MOB3A: variants seen among roughly 807,000 people sequenced by gnomAD.
The protein encoded by MOB3A is MOB LAK.
A neutral mutation model predicts 17.8 loss-of-function variants in MOB3A; 17 were observed. The observed-to-expected ratio is 0.95, with a 90% confidence interval of 0.65 to 1.43. The LOEUF (loss-of-function observed/expected upper bound fraction) is 1.43, where lower values mean the gene tolerates loss of function less well. Among genes scored for constraint, MOB3A ranks in the 40% most tolerant of loss-of-function variants. The pLI, the probability that MOB3A is intolerant of heterozygous loss-of-function variation, is 0.00. For synonymous variants in MOB3A, 124 were observed against 133.2 expected (o/e 0.93, Z 0.48); for missense variants, 333 against 310.8 (o/e 1.07, Z -0.54).
In MOB3A at chr19:2,091,564, G is replaced by A. The variant is rs555752789; in HGVS notation, c.-274+4662C>T. Reference sequence around the variant, plus strand: ...ACGCCCAGCTAATTTTTGTATTTTTGGTAGAGACGGGGTTCCACCATGTTG... The same window carrying A: ...ACGCCCAGCTAATTTTTGTATTTTTAGTAGAGACGGGGTTCCACCATGTTG... On this transcript the variant is annotated intron_variant, in intron 1 of 4. Coordinates refer to ENST00000357066, the MANE Select transcript of MOB3A (RefSeq NM_130807.3). Among the ~76,000 whole-genome samples, 1,093 of 151,148 alleles carry A rather than the reference G, an allele frequency of 7.2e-3. 8 individuals carry two copies. Among genetic ancestry groups the A allele is most frequent in the Non-Finnish European group, 0.012 (786 of 67,730 alleles).
intron 1 of MOB3A, among the ~76,000 whole-genome samples, chr19:2,091,857 C>T (rs1359782426): frequency 4.0e-5 from 6 of 149,306 alleles, no homozygotes; most frequent in Non-Finnish European, 8.9e-5. Context: ...ATTAGCCAGG[C>T]GTGGTGGCGG....
At chr19:2,087,381 A>C (rs2017565620) in intron 1 of MOB3A, among the ~76,000 whole-genome samples, 1 of 152,202 alleles carries the variant, frequency 6.6e-6, no homozygotes. Context: ...GGCCAGCTGC[A>C]GTGGCTCACG....
At chr19:2,084,889 T>C (rs2017533832) in intron 2 of MOB3A, among the ~76,000 whole-genome samples, 1 of 150,872 alleles carries the variant, frequency 6.6e-6, no homozygotes, top group Admixed American at 6.6e-5. Context: ...GTGCCCGGCC[T>C]AGTTTTTTTT....
Position 2,073,264 on chromosome 19 carries a change from T to C in MOB3A, c.*131A>G. 1.7e-6 allele frequency: 2 copies of C among 1,166,558 alleles called. No homozygotes were observed. Among genetic ancestry groups the C allele is most frequent in the East Asian group, 4.7e-5 (2 of 42,594 alleles). 72.3% of individuals were successfully genotyped at this position (1,166,558 alleles called of 1,614,324 possible). On this transcript the variant is annotated 3_prime_UTR_variant, in exon 5 of 5. Transcript: ENST00000357066. ...GGAGCTCCTGAGGACCAACACCTGC[T>C]CAGCGGCTCGGCCCCTGGTCTCCCT...
At chr19:2,094,945 CG>C (rs2017656321) in intron 1 of MOB3A, among the ~76,000 whole-genome samples, 1 of 152,138 alleles carries the variant, frequency 6.6e-6, no homozygotes, top group South Asian at 2.1e-4. Context: ...CCGAGGCGGG[CG>C]GATCACCTGA....
At chr19:2,086,052 T>C (rs1031062305) in intron 1 of MOB3A, among the ~76,000 whole-genome samples, 1 of 151,758 alleles carries the variant, frequency 6.6e-6, no homozygotes, top group African/African-American at 2.4e-5. Context: ...ATTTATTTAT[T>C]TTTTTGAGAC....
chr19:2,096,006 A>G (rs953440467), intron 1 of MOB3A, among the ~76,000 whole-genome samples: 6 of 151,944 alleles, frequency 3.9e-5, no homozygotes, highest in Admixed American at 2.6e-4. Flanking sequence ...GGCCTCCCAA[A>G]GTGCTGGGAT....
intron 2 of MOB3A, among the ~76,000 whole-genome samples, chr19:2,084,891 GT>G (rs1028628583): frequency 2.0e-5 from 3 of 148,252 alleles, no homozygotes; most frequent in Non-Finnish European, 1.5e-5. Flanking sequence ...GCCCGGCCTA[GT>G]TTTTTTTTTA....
At chr19:2,073,529 G>A (rs980106855) in intron 4 of MOB3A, 105 bp from the exon 5 acceptor site, 35 of 1,493,064 alleles carry the variant, frequency 2.3e-5, no homozygotes, top group Non-Finnish European at 3.0e-5. Flanking sequence ...GGCAGCTGGG[G>A]GCTTCCCTGA....
chr19:2,075,414 T>G (rs1332774770), intron 4 of MOB3A, among the ~76,000 whole-genome samples: 2 of 151,938 alleles, frequency 1.3e-5, no homozygotes, highest in Admixed American at 6.6e-5. Flanking sequence ...GTGGGAGGAT[T>G]GCTTGCATCC....
chr19:2,090,342 T>C (rs551395726), intron 1 of MOB3A, among the ~76,000 whole-genome samples: 7 of 152,328 alleles, frequency 4.6e-5, no homozygotes, highest in South Asian at 4.1e-4. Context: ...CAGAGGATGT[T>C]GGCGGGCTGA....
At chr19:2,094,976 G>A (rs1351033840) in intron 1 of MOB3A, among the ~76,000 whole-genome samples, 1 of 152,190 alleles carries the variant, frequency 6.6e-6, no homozygotes, top group African/African-American at 2.4e-5. Flanking sequence ...CTCAAGACCA[G>A]CCTGGCCAAC....
chr19:2,078,183 G>A lies in MOB3A; in HGVS notation c.378C>T (p.Ile126=), dbSNP rs138655962. Residue 126 remains isoleucine, a synonymous_variant, in exon 3 of 5, where the codon ATC becomes ATT. Transcript: ENST00000357066. ...PRYMDLLMDW[I]EAQINNEDLF... ...GGTCCTCGTTGTTGATCTGCGCCTCGATCCAGTCCATCAGCAGGTCCATGT... is the reference window on the plus strand; with the variant it reads ...GGTCCTCGTTGTTGATCTGCGCCTCAATCCAGTCCATCAGCAGGTCCATGT... 67 of 1,599,582 alleles carry A rather than the reference G, an allele frequency of 4.2e-5. No individual in the cohort carries two copies. The highest frequency in any genetic ancestry group is 5.1e-5 in the Non-Finnish European group (60 of 1,168,856).
chr19:2,091,242 G>A (rs1244386462), intron 1 of MOB3A, among the ~76,000 whole-genome samples: 1 of 152,148 alleles, frequency 6.6e-6, no homozygotes, highest in East Asian at 1.9e-4. Flanking sequence ...TCTCAACCCA[G>A]AGGAGACTTC....
chr19:2,084,052 G>A (rs981253316), intron 2 of MOB3A: 16 of 437,032 alleles, frequency 3.7e-5, no homozygotes, highest in South Asian at 8.0e-5. Context: ...GATTACAGGC[G>A]TGAGCCACCG....
At chr19:2,075,073 G>A (rs1192208610) in intron 4 of MOB3A, among the ~76,000 whole-genome samples, 1 of 150,682 alleles carries the variant, frequency 6.6e-6, no homozygotes, top group East Asian at 1.9e-4. Flanking sequence ...CTGTCACCCA[G>A]GCTGGACTAC....
Position 2,093,678 on chromosome 19 carries a change from C to T in MOB3A, c.-274+2548G>A, listed in dbSNP as rs893905432. ...ATCCCAATTCGGACCAGCCACATTG[C>T]AAGGCCTCCACAGCCACAGGTAGTA... On this transcript the variant is annotated intron_variant, in intron 1 of 4. Coordinates refer to ENST00000357066, the MANE Select transcript of MOB3A (RefSeq NM_130807.3). This position sits in a 1 kb window ranked among gnomAD's most constrained non-coding sequence, Gnocchi z 4.6. Among the ~76,000 whole-genome samples the T allele has an allele frequency of 6.6e-6, 1 of 152,120 alleles. No homozygotes were observed. Among genetic ancestry groups the T allele is most frequent in the Non-Finnish European group, 1.5e-5 (1 of 68,016 alleles).
intron 1 of MOB3A, among the ~76,000 whole-genome samples, chr19:2,095,523 A>G (rs1035794418): frequency 6.6e-6 from 1 of 152,148 alleles, no homozygotes; most frequent in Non-Finnish European, 1.5e-5. Context: ...CAGAATTTTA[A>G]TCCACACCGG....
intron 3 of MOB3A, 91 bp downstream of exon 3, chr19:2,078,049 G>A (rs1056793691): frequency 4.3e-5 from 57 of 1,315,716 alleles, no homozygotes; most frequent in Non-Finnish European, 5.4e-5. Context: ...CTCCCAAAGC[G>A]CTGGCATTAC....
Sources: gnomAD v4.1 joint callset for allele counts (sites outside exome capture counted in the v4.1 genomes callset) on GRCh38, gnomAD v4.1.1 for gene constraint, Gnocchi (gnomAD v3.1) non-coding constraint, MANE v1.5 for transcripts, NCBI Gene and HGNC (gene_info 2026-07-23, HGNC 2026-07-21) for gene names.